Variants in RELN observed in about 807,000 individuals in gnomAD.
The protein encoded by RELN is reelin.
Under a neutral mutation model 427.6 loss-of-function variants are expected in RELN, and 108 were observed. That is an observed-to-expected ratio of 0.25 (90% CI 0.22 to 0.30). The LOEUF is 0.30. RELN is among the 10% of genes least tolerant of loss of function. The probability of loss-of-function intolerance (pLI) is 1.00; values close to 1 mark genes in which losing one functional copy is unlikely to be tolerated. For missense variants in RELN, 3,715 were observed against 4,302.8 expected (o/e 0.86, Z 3.82); for synonymous variants, 1,524 against 1,513.4 (o/e 1.01, Z -0.16).
intron 1 of RELN, among the ~76,000 whole-genome samples, chr7:103,984,343 TACA>T (rs1420703442): frequency 3.9e-5 from 6 of 152,156 alleles, no homozygotes; most frequent in African/African-American, 1.2e-4. Context: ...ATTACAACGA[TACA>T]ACATTACCAT....
chr7:103,878,494 G>C (rs770991556), intron 2 of RELN, among the ~76,000 whole-genome samples: 1 of 152,100 alleles, frequency 6.6e-6, no homozygotes. Context: ...GTGATGGAGG[G>C]GTCACTGCCT....
chr7:103,549,285 G>A (rs573213727), intron 41 of RELN, among the ~76,000 whole-genome samples: 19 of 152,326 alleles, frequency 1.2e-4, no homozygotes, highest in African/African-American at 4.6e-4. Flanking sequence ...TCACTTTGTG[G>A]TTTATGGATG....
At chr7:103,839,570 G>C (rs943744437) in intron 2 of RELN, among the ~76,000 whole-genome samples, 47 of 151,964 alleles carry the variant, frequency 3.1e-4, no homozygotes, top group African/African-American at 1.1e-3. Context: ...GAGAAAACTG[G>C]AATAAACTAA....
intron 6 of RELN, among the ~76,000 whole-genome samples, chr7:103,730,606 TA>T (rs1254512476): frequency 6.6e-6 from 1 of 152,136 alleles, no homozygotes; most frequent in Non-Finnish European, 1.5e-5. Flanking sequence ...CAGAAATTTA[TA>T]ACAAATGTAA....
Position 103,551,135 on chromosome 7 carries a change from G to T in RELN, c.6234C>A (p.Thr2078=). 6.2e-7 allele frequency: 1 copy of T among 1,614,112 alleles called. No individual in the cohort carries two copies. Among genetic ancestry groups the T allele is most frequent in the Non-Finnish European group, 8.5e-7 (1 of 1,180,040 alleles). Residue 2078 remains threonine, a synonymous_variant, in exon 41 of 65, where the codon ACC becomes ACA. Coordinates refer to ENST00000428762, the MANE Select transcript of RELN (RefSeq NM_005045.4). ...LCSTEHHPSS[T]YYAGTMQGWR... ...AGCCCTGCATGGTTCCTGCGTAGTA[G>T]GTGCTGCTGGGGTGGTGCTCGGTGG...
rs559646477 is a variant in RELN at position 103,657,255 on chromosome 7, G to A, written c.1442-3050C>T. 2.2e-4 allele frequency among the ~76,000 whole-genome samples: 33 copies of A among 152,034 alleles called. 1 individual carries two copies. Among genetic ancestry groups the A allele is most frequent in the African/African-American group, 8.0e-4 (33 of 41,496 alleles). ...CATATATTCAAGCATTTCCTTACATGCTTCAGTGTTATGATAAATACAGCT... is the reference window on the plus strand; with the variant it reads ...CATATATTCAAGCATTTCCTTACATACTTCAGTGTTATGATAAATACAGCT... On this transcript the variant is annotated intron_variant, in intron 12 of 64. Transcript: ENST00000428762.
At chr7:103,472,957 A>C (rs763062058) in intron 64 of RELN, 49 bp from the exon 65 acceptor site, 1 of 1,388,394 alleles carries the variant, frequency 7.2e-7, no homozygotes, top group South Asian at 1.2e-5. Flanking sequence ...GAAAAAGAGC[A>C]TGTAAGTCCC....
At chr7:103,931,856 AG>A (rs1419076259) in intron 1 of RELN, among the ~76,000 whole-genome samples, 1 of 152,190 alleles carries the variant, frequency 6.6e-6, no homozygotes, top group African/African-American at 2.4e-5. Flanking sequence ...CTGGAGGTGG[AG>A]GGAACACCAG....
intron 17 of RELN, among the ~76,000 whole-genome samples, chr7:103,639,534 G>A (rs1200691062): frequency 6.6e-6 from 1 of 151,522 alleles, no homozygotes; most frequent in Non-Finnish European, 1.5e-5. Context: ...CGAGTAGCTG[G>A]GATTACAGAT....
At chr7:103,604,598 A>G (rs1831769972) in intron 22 of RELN, 115 bp from the exon 23 acceptor site, 1 of 991,840 alleles carries the variant, frequency 1.0e-6, no homozygotes, top group African/African-American at 1.6e-5. Flanking sequence ...ACTTGAGCTT[A>G]GCTGGCATCA....
chr7:103,813,619 C>T (rs539075968), intron 3 of RELN, among the ~76,000 whole-genome samples: 22 of 151,954 alleles, frequency 1.4e-4, no homozygotes, highest in South Asian at 2.1e-4. Flanking sequence ...CATAACTGAA[C>T]GACTGAATTT....
chr7:103,768,119 A>G (rs1437678930), intron 4 of RELN, among the ~76,000 whole-genome samples: 1 of 152,216 alleles, frequency 6.6e-6, no homozygotes. Context: ...AGCCTGGCAC[A>G]CGGTAAGCAT....
At chr7:103,576,839 C>CAGTTTTGAGGTTGCCAAT (rs1196057964) in intron 28 of RELN, among the ~76,000 whole-genome samples, 1 of 152,172 alleles carries the variant, frequency 6.6e-6, no homozygotes, top group African/African-American at 2.4e-5. Context: ...GGCTACTGCC[C>CAGTTTTGAGGTTGCCAAT]AGTTTTGAGG....
intron 1 of RELN, among the ~76,000 whole-genome samples, chr7:103,970,582 G>A (rs1041487724): frequency 6.6e-6 from 1 of 152,134 alleles, no homozygotes; most frequent in African/African-American, 2.4e-5. Context: ...AGTAAAAGAA[G>A]GTTGTGATGT....
rs1282425348 is a variant in RELN, at chr7:103,472,874, G to A, written c.10321C>T (p.Arg3441Ter). The A allele has an allele frequency of 1.2e-6, 2 of 1,613,822 alleles. No individual in the cohort carries two copies. Among genetic ancestry groups the A allele is most frequent in the Non-Finnish European group, 1.7e-6 (2 of 1,179,804 alleles). Residue 3441 changes from arginine to a stop codon, truncating the protein, a stop_gained, in exon 65 of 65, where the codon CGA becomes TGA. Coordinates refer to ENST00000428762, the MANE Select transcript of RELN (RefSeq NM_005045.4). LOFTEE classifies it high-confidence loss of function. ...RKQNYMMNFS[R>*]QHGLRHFYNR... Reference sequence around the variant, plus strand: ...TAGAAATGTCTGAGCCCATGTTGTCGTGAAAAATTCATCATGTAATTTTGT... The same window carrying A: ...TAGAAATGTCTGAGCCCATGTTGTCATGAAAAATTCATCATGTAATTTTGT...
intron 53 of RELN, 36 bp from the exon 54 acceptor site, chr7:103,498,288 C>A (rs1828904612): frequency 1.4e-6 from 2 of 1,474,958 alleles, no homozygotes; most frequent in South Asian, 2.2e-5. Flanking sequence ...GTTAAAAAAA[C>A]AATTTCAGAT....
chr7:103,941,377 C>T (rs138861844), intron 1 of RELN, among the ~76,000 whole-genome samples: 3 of 152,220 alleles, frequency 2.0e-5, no homozygotes, highest in Admixed American at 6.5e-5. Flanking sequence ...TGGAAGAATA[C>T]AAACCATTTC....
chr7:103,519,423 T>C lies in RELN; in HGVS notation c.7762A>G (p.Asn2588Asp). 1 of 1,613,694 alleles carries C rather than the reference T, an allele frequency of 6.2e-7. No individual in the cohort carries two copies. Among genetic ancestry groups the C allele is most frequent in the East Asian group, 2.2e-5 (1 of 44,888 alleles). ...AAGAGAACACCTTGGTTACGGTTGT[T>C]TGGTGTAATCAGGCACCCATACATG... Reference protein sequence around the residue: ...YFMYGCLITPNNRNQGVLLEY... With the variant: ...YFMYGCLITPDNRNQGVLLEY... Residue 2588 changes from asparagine (N) to aspartate (D), a missense_variant, in exon 49 of 65, where the codon AAC (asparagine) becomes GAC (aspartate). This residue lies in a region of RELN where 1,310 missense variants were observed against 1,643.0 expected (regional missense o/e 0.80). Transcript: ENST00000428762.
At chr7:103,672,860 C>T (rs1833424350) in intron 11 of RELN, among the ~76,000 whole-genome samples, 1 of 152,088 alleles carries the variant, frequency 6.6e-6, no homozygotes, top group African/African-American at 2.4e-5. Flanking sequence ...ATGCTTTATG[C>T]AAAGTGCTCT....
Sources: allele counts gnomAD v4.1 joint callset (sites outside exome capture counted in the v4.1 genomes callset), GRCh38; gene constraint gnomAD v4.1.1; regional missense constraint gnomAD v4.1.1; transcripts MANE v1.5; gene names NCBI Gene and HGNC (gene_info 2026-07-23, HGNC 2026-07-21).